The following ASPH variants were observed in gnomAD, a reference collection of about 807,000 sequenced individuals.
The protein encoded by ASPH is aspartate beta-hydroxylase.
Under a neutral mutation model 118.4 loss-of-function variants are expected in ASPH, and 100 were observed. The ratio of observed to expected loss-of-function variants is 0.84; its 90% CI spans 0.72 to 1.00. The LOEUF (loss-of-function observed/expected upper bound fraction) is 1.00, where lower values mean the gene tolerates loss of function less well. Ranked by LOEUF, ASPH falls within the 50% of genes least tolerant of loss-of-function variation. The pLI, the probability that ASPH is intolerant of heterozygous loss-of-function variation, is 0.00. For missense variants in ASPH, 920 were observed against 919.5 expected, an observed-to-expected ratio of 1.00 and a Z score of -0.01; for synonymous variants, 315 against 325.6, an observed-to-expected ratio of 0.97 and a Z score of 0.35.
intron 17 of ASPH, among the ~76,000 whole-genome samples, chr8:61,565,184 T>A (rs557530883): frequency 6.6e-6 from 1 of 152,210 alleles, no homozygotes; most frequent in African/African-American, 2.4e-5. Context: ...CTAAATCTGA[T>A]GATATATGAT....
intron 13 of ASPH, 66 bp from the exon 14 acceptor site, chr8:61,619,085 G>T: frequency 4.5e-6 from 5 of 1,113,900 alleles, no homozygotes; most frequent in Non-Finnish European, 6.6e-6. Flanking sequence ...CAAAATATAG[G>T]ACAATATTTA....
chr8:61,556,779 G>T (rs928483682), intron 18 of ASPH, among the ~76,000 whole-genome samples: 2 of 152,204 alleles, frequency 1.3e-5, no homozygotes, highest in African/African-American at 4.8e-5. Context: ...GATGGAGAAG[G>T]TTTGAGTCGG....
chr8:61,544,735 C>A (rs760690769), intron 21 of ASPH, among the ~76,000 whole-genome samples: 8 of 152,124 alleles, frequency 5.3e-5, no homozygotes, highest in Non-Finnish European at 1.0e-4. Context: ...ATACAATGAA[C>A]CTAATTTTTG....
intron 2 of ASPH, among the ~76,000 whole-genome samples, chr8:61,682,178 T>A (rs1309580305): frequency 6.6e-6 from 1 of 151,922 alleles, no homozygotes; most frequent in African/African-American, 2.4e-5. Flanking sequence ...ACATACACAT[T>A]TAAAATGATT....
chr8:61,690,687 TA>T (rs1291598045), intron 1 of ASPH, among the ~76,000 whole-genome samples: 1 of 152,210 alleles, frequency 6.6e-6, no homozygotes, highest in East Asian at 1.9e-4. Flanking sequence ...AAGTTGTTTA[TA>T]AGACTAAATT....
intron 20 of ASPH, among the ~76,000 whole-genome samples, chr8:61,550,647 G>A (rs1393703393): frequency 6.6e-6 from 1 of 152,210 alleles, no homozygotes; most frequent in Non-Finnish European, 1.5e-5. Context: ...CTTCTGGTGA[G>A]AAGAGCTGGC....
chr8:61,688,209 T>C (rs2151748894), intron 1 of ASPH, among the ~76,000 whole-genome samples: 1 of 152,302 alleles, frequency 6.6e-6, no homozygotes, highest in African/African-American at 2.4e-5. Flanking sequence ...TCAGAATAAA[T>C]CTAAGTCTTC....
At chr8:61,629,575 C>A (rs1445816256) in intron 13 of ASPH, among the ~76,000 whole-genome samples, 11 of 152,222 alleles carry the variant, frequency 7.2e-5, no homozygotes, top group Admixed American at 7.2e-4. Flanking sequence ...CTTCCACATG[C>A]TTGCCAAGAA....
chr8:61,594,794 T>C (rs554808452), intron 14 of ASPH, among the ~76,000 whole-genome samples: 25 of 152,368 alleles, frequency 1.6e-4, no homozygotes, highest in African/African-American at 5.8e-4. Context: ...GGTTTGGTAC[T>C]ATTCATAGTT....
chr8:61,553,640 C>A (rs2131150463), intron 19 of ASPH, among the ~76,000 whole-genome samples: 1 of 151,962 alleles, frequency 6.6e-6, no homozygotes, highest in African/African-American at 2.4e-5. Context: ...AGAATTAAAG[C>A]CAATTTGAAT....
Position 61,585,843 on chromosome 8 carries a change from C to T in ASPH, c.977-1814G>A, listed in dbSNP as rs150712766. Among the ~76,000 whole-genome samples, 242 of 152,322 alleles carry T rather than the reference C, an allele frequency of 1.6e-3. 2 individuals carry two copies. The highest frequency in any genetic ancestry group is 5.1e-3 in the African/African-American group (211 of 41,568). On this transcript the variant is annotated intron_variant, in intron 14 of 24. Transcript: ENST00000379454. ...GTCCCAGCTCTGTCACCTCCAAGCT[C>T]TGTGACCTAAGCCAAGCTGGCACTA...
At chr8:61,514,577 C>A (rs1009987655) in intron 24 of ASPH, among the ~76,000 whole-genome samples, 3 of 151,916 alleles carry the variant, frequency 2.0e-5, no homozygotes, top group Non-Finnish European at 4.4e-5. Flanking sequence ...GGTGTGGTGG[C>A]GGGTGCCTGT....
intron 14 of ASPH, among the ~76,000 whole-genome samples, chr8:61,618,116 T>G (rs1465899944): frequency 6.6e-6 from 1 of 152,124 alleles, no homozygotes; most frequent in East Asian, 1.9e-4. Context: ...AGAAAAGTTT[T>G]CATGAATTAA....
rs952720533 is a variant in ASPH at position 61,502,771 on chromosome 8, A to C, written c.*588T>G. On this transcript the variant is annotated 3_prime_UTR_variant, in exon 25 of 25. Transcript: ENST00000379454. ...ACAGTTCATAGACACTGACATAATG[A>C]GCTCTTTCTTTTTTGTTAGGAAAAT... is the stretch of plus-strand genomic sequence containing the variant. 3 of 152,196 alleles carry C rather than the reference A, an allele frequency of 2.0e-5. No individual in the cohort carries two copies. Among genetic ancestry groups the C allele is most frequent in the African/African-American group, 7.2e-5 (3 of 41,446 alleles). The allele number at this position is 152,196 out of a possible 1,614,324, so 9.4% of individuals were successfully genotyped here.
chr8:61,561,093 AGGGAGAGAGGGAGGGAGGGAGGGAGGG>A (rs1563821456), intron 18 of ASPH, among the ~76,000 whole-genome samples: 2 of 9,094 alleles, frequency 2.2e-4, no homozygotes, highest in Admixed American at 1.3e-3. Flanking sequence ...GGAGGGAGGG[AGGGAGAGAGGGAGGGAGGGAGGGAGGG>A]AGGGAGGGAG....
At chr8:61,617,995 G>T (rs1355877834) in intron 14 of ASPH, among the ~76,000 whole-genome samples, 2 of 151,364 alleles carry the variant, frequency 1.3e-5, no homozygotes, top group African/African-American at 4.9e-5. Context: ...TTAGGAGTGA[G>T]ACTTGGGGAT....
intron 19 of ASPH, 149 bp from the exon 20 acceptor site, chr8:61,553,269 T>C: frequency 1.7e-6 from 1 of 583,350 alleles, no homozygotes; most frequent in South Asian, 2.3e-5. Context: ...ATGAGGTTAC[T>C]GGTCAACATT....
rs747852355 is a variant in ASPH, at chr8:61,682,405, C to T, written c.254-1369G>A. 4.4e-6 allele frequency: 7 copies of T among 1,594,324 alleles called. No homozygotes were observed. The East Asian group carries it at 8.9e-5, about 20-fold the overall frequency. On this transcript the variant is annotated intron_variant, in intron 2 of 24. Transcript: ENST00000379454. ...AAGGATGAGCCATTAGAGAGTAACA[C>T]ACGTAGACTTGAAATGCAACTCCAA... is the stretch of plus-strand genomic sequence containing the variant.
At chr8:61,617,932 C>CAAAAAA (rs10674052) in intron 14 of ASPH, among the ~76,000 whole-genome samples, 4 of 87,830 alleles carry the variant, frequency 4.6e-5, no homozygotes, top group Non-Finnish European at 8.6e-5. Context: ...GACGCCATCT[C>CAAAAAA]AAAAAAAAAA....
Sources: gnomAD v4.1 joint callset for allele counts (sites outside exome capture counted in the v4.1 genomes callset) on GRCh38, gnomAD v4.1.1 for gene constraint, MANE v1.5 for transcripts, NCBI Gene and HGNC (gene_info 2026-07-23, HGNC 2026-07-21) for gene names.